The following ENTPD2 variants were observed in gnomAD, a reference collection of about 807,000 sequenced individuals.
ENTPD2 encodes the protein ectonucleoside triphosphate diphosphohydrolase 2.
In ENTPD2, 48 loss-of-function variants were observed where a neutral mutation model predicts 46.8. That is an observed-to-expected ratio of 1.03 (90% CI 0.81 to 1.30). ENTPD2 has a LOEUF of 1.30. Ranked by LOEUF, ENTPD2 falls within the 50% of genes most tolerant of loss-of-function variation. The pLI, the probability that ENTPD2 is intolerant of heterozygous loss-of-function variation, is 0.00. For synonymous variants in ENTPD2, 316 were observed against 286.1 expected (o/e 1.10, Z -1.06); for missense variants, 707 against 651.1 (o/e 1.09, Z -0.93).
At chr9:137,052,418 G>T in intron 1 of ENTPD2, 70 bp from the exon 2 acceptor site, 1 of 1,305,116 alleles carries the variant, frequency 7.7e-7, no homozygotes, top group Non-Finnish European at 1.1e-6. Flanking sequence ...CAAACGTGAA[G>T]TTGGGTTCCT....
rs757407720 is a variant in ENTPD2 at position 137,053,965 on chromosome 9, C to T, written c.33G>A (p.Pro11=). 777 of 1,222,398 alleles carry T rather than the reference C, an allele frequency of 6.4e-4. 1 individual carries two copies. The highest frequency in any genetic ancestry group is 1.0e-3 in the Admixed American group (24 of 23,276). 75.7% of individuals were successfully genotyped at this position (1,222,398 alleles called of 1,614,324 possible). A position where few individuals can be genotyped will look rare whatever the true frequency, so the allele number is the denominator to read the frequency against. The change falls in exon 1 of 9, where the codon CCG becomes CCA. Residue 11 remains proline (P), a synonymous_variant. Transcript: ENST00000355097. MAGKVRSLLP[P]LLLAAAGLAG... The stretch of plus-strand genomic sequence containing the variant: ...CGAGGCCCGCGGCGGCCAGCAGCAG[C>T]GGCGGCAGCAGTGACCGCACCTTCC...
intron 2 of ENTPD2, 116 bp from the exon 3 acceptor site, chr9:137,051,776 C>G (rs77863660): frequency 2.1e-6 from 3 of 1,412,070 alleles, no homozygotes; most frequent in Non-Finnish European, 1.9e-6. Flanking sequence ...GGTGGCACAC[C>G]TTCCCTGCTT....
chr9:137,049,266 T>G (rs1200793514), intron 7 of ENTPD2, 191 bp from the exon 8 acceptor site: 1 of 954,748 alleles, frequency 1.0e-6, no homozygotes, highest in Non-Finnish European at 1.6e-6. Context: ...AGGGCACGCT[T>G]CCATCCCTCC....
At chr9:137,049,843 C>G (rs1015592849) in intron 7 of ENTPD2, 27 bp downstream of exon 7, 1 of 1,601,706 alleles carries the variant, frequency 6.2e-7, no homozygotes, top group Non-Finnish European at 8.5e-7. Flanking sequence ...TTCCGCACAG[C>G]CCTGAAGGAG....
rs548194405 is a variant in ENTPD2, at chr9:137,053,622, C to T, written c.117+259G>A. Among the ~76,000 whole-genome samples, 3 of 152,352 alleles carry T rather than the reference C, an allele frequency of 2.0e-5. No homozygotes were observed. The East Asian group carries it at 5.8e-4, about 29-fold the overall frequency. On this transcript the variant is annotated intron_variant, in intron 1 of 8. Coordinates refer to ENST00000355097, the MANE Select transcript of ENTPD2 (RefSeq NM_203468.3). The stretch of plus-strand genomic sequence containing the variant: ...ACAGCCCCTGGGCTGCGTTGACGGA[C>T]TCGGCGGCGGGCGCGGAACTCCCGG...
At chr9:137,049,784 G>A (rs1267474226) in intron 7 of ENTPD2, 86 bp downstream of exon 7, 3 of 1,455,038 alleles carry the variant, frequency 2.1e-6, no homozygotes, top group Non-Finnish European at 2.8e-6. Flanking sequence ...GCTCCGAGAG[G>A]CCTGTCCATG....
chr9:137,049,026 G>A lies in ENTPD2; in HGVS notation c.1199C>T (p.Ala400Val). The A allele has an allele frequency of 6.5e-7, 1 of 1,536,880 alleles. No individual in the cohort carries two copies. Among genetic ancestry groups the A allele is most frequent in the South Asian group, 1.2e-5 (1 of 84,000 alleles). ...GQRARLADYC[A>V]GAMFVQQLLS... Reference sequence around the variant, plus strand: ...CAGCTGCTGCACGAACATGGCCCCGGCGCAGTAGTCGGCCAGGCGGGCCCG... The same window carrying A: ...CAGCTGCTGCACGAACATGGCCCCGACGCAGTAGTCGGCCAGGCGGGCCCG... The change falls in exon 8 of 9, where the codon GCC (alanine) becomes GTC (valine). Residue 400 changes from alanine to valine, a missense_variant. Coordinates refer to ENST00000355097, the MANE Select transcript of ENTPD2 (RefSeq NM_203468.3).
chr9:137,048,978 T>A lies in ENTPD2; in HGVS notation c.1247A>T (p.Asp416Val). The A allele has an allele frequency of 1.1e-5, 17 of 1,525,538 alleles. No individual in the cohort carries two copies. The highest frequency in any genetic ancestry group is 1.5e-5 in the Non-Finnish European group (17 of 1,139,080). The allele number at this position is 1,525,538 out of a possible 1,614,324, so 94.5% of individuals were successfully genotyped here. Reference protein sequence around the residue: ...QQLLSRGYGFDERAFGGVIFQ... With the variant: ...QQLLSRGYGFVERAFGGVIFQ... ...GATCACGCCGCCGAAGGCGCGCTCGTCGAAGCCGTAGCCGCGACTCAGCAG... is the reference window on the plus strand; with the variant it reads ...GATCACGCCGCCGAAGGCGCGCTCGACGAAGCCGTAGCCGCGACTCAGCAG... Residue 416 changes from aspartate (D) to valine (V), a missense_variant, in exon 8 of 9, where the codon GAC becomes GTC. Coordinates refer to ENST00000355097, the MANE Select transcript of ENTPD2 (RefSeq NM_203468.3).
intron 7 of ENTPD2, 43 bp downstream of exon 7, chr9:137,049,827 G>A: frequency 1.3e-6 from 2 of 1,577,658 alleles, no homozygotes; most frequent in Non-Finnish European, 1.7e-6. Flanking sequence ...GGCGGAGGCT[G>A]AGCCCTTCCG....
At position 137,048,615 on chromosome 9, in the gene ENTPD2, C is replaced by T; in HGVS notation, c.*42G>A. The T allele has an allele frequency of 1.4e-6, 2 of 1,410,620 alleles. No homozygotes were observed. Among genetic ancestry groups the T allele is most frequent in the Non-Finnish European group, 9.2e-7 (1 of 1,085,642 alleles). The allele number at this position is 1,410,620 out of a possible 1,614,324, so 87.4% of individuals were successfully genotyped here. On this transcript the variant is annotated 3_prime_UTR_variant, in exon 9 of 9. Transcript: ENST00000355097. ...GGGGTGGGAGTACGGGGTGGGGATA[C>T]AGGGGTTGGGGGAGGGATGGGGCAG... is the stretch of plus-strand genomic sequence containing the variant.
intron 7 of ENTPD2, 137 bp from the exon 8 acceptor site, chr9:137,049,212 CCCGGACACG>C: frequency 7.1e-7 from 1 of 1,406,776 alleles, no homozygotes; most frequent in Non-Finnish European, 9.7e-7. Flanking sequence ...ACCACACAGG[CCCGGACACG>C]AATGGCAAGA....
intron 2 of ENTPD2, 142 bp from the exon 3 acceptor site, chr9:137,051,802 C>T: frequency 7.6e-7 from 1 of 1,321,654 alleles, no homozygotes; most frequent in Non-Finnish European, 1.0e-6. Flanking sequence ...CCCAGAAACG[C>T]CCAGGTTGGA....
Position 137,051,516 on chromosome 9 carries a change from A to G in ENTPD2, c.380T>C (p.Leu127Pro). The change falls in exon 3 of 9, where the codon CTG (leucine) becomes CCG (proline). Residue 127 changes from leucine to proline, a missense_variant. Physicochemically the swap from Leu to Pro is moderately conservative, Grantham distance 98 (BLOSUM62 -3). Coordinates refer to ENST00000355097, the MANE Select transcript of ENTPD2 (RefSeq NM_203468.3). ...LYLGATAGMR[L>P]LNLTNPEAST... ...AGGGCACAGGCACACTCACTTGAGC[A>G]GGCGCATACCCGCTGTGGCTCCCAG... The G allele has an allele frequency of 5.0e-6, 8 of 1,596,250 alleles. No homozygotes were observed. Among genetic ancestry groups the G allele is most frequent in the Non-Finnish European group, 6.8e-6 (8 of 1,171,088 alleles).
Position 137,050,461 on chromosome 9 carries a change from G to A in ENTPD2, c.852C>T (p.Cys284=), listed in dbSNP as rs757895216. ...AGTTCTGGGGCCGCTGGGCCATGGT[G>A]CATGGTGACTGGTACACATCCCCGA... is the stretch of plus-strand genomic sequence containing the variant. The part of the protein sequence containing the change: ...VLLGDVYQSP[C]TMAQRPQNFN... Residue 284 remains cysteine (C), a synonymous_variant, in exon 6 of 9, where the codon TGC becomes TGT. Transcript: ENST00000355097. 2.7e-5 allele frequency: 43 copies of A among 1,612,934 alleles called. No individual in the cohort carries two copies. The highest frequency in any genetic ancestry group is 3.5e-5 in the Non-Finnish European group (41 of 1,180,016).
intron 1 of ENTPD2, 115 bp from the exon 2 acceptor site, chr9:137,052,463 T>C (rs1393908966): frequency 2.4e-6 from 2 of 816,906 alleles, no homozygotes; most frequent in African/African-American, 1.8e-5. Context: ...CACCCAGTCA[T>C]GTGCCAAGCC....
chr9:137,052,136 C>A, intron 2 of ENTPD2, 95 bp downstream of exon 2: 1 of 1,135,902 alleles, frequency 8.8e-7, no homozygotes, highest in African/African-American at 1.5e-5. Flanking sequence ...CCCCACCCAA[C>A]ACTAAGCAGA....
intron 1 of ENTPD2, 148 bp from the exon 2 acceptor site, chr9:137,052,496 CCAGGG>C: frequency 1.6e-6 from 1 of 615,898 alleles, no homozygotes. Context: ...TCAGAGGAGG[CCAGGG>C]CCTCCTCTGA....
At chr9:137,051,699 C>T (rs1832301983) in intron 2 of ENTPD2, 39 bp from the exon 3 acceptor site, 2 of 1,572,216 alleles carry the variant, frequency 1.3e-6, no homozygotes, top group Non-Finnish European at 1.7e-6. Context: ...GCCTCACGGG[C>T]AGCCCCTAGG....
Position 137,051,551 on chromosome 9 carries a change from TGTGCCCGC to T in ENTPD2, c.337_344del (p.Ala113ThrfsTer38). ...CCGCTGTGGCTCCCAGGTAGAGGGGTGTGCCCGCGTGTCTCTCTTTGGGCACATCCTGA... is the reference window on the plus strand; with the variant it reads ...CCGCTGTGGCTCCCAGGTAGAGGGGTGTGTCTCTCTTTGGGCACATCCTGA... On this transcript the variant is annotated frameshift_variant, in exon 3 of 9. Coordinates refer to ENST00000355097, the MANE Select transcript of ENTPD2 (RefSeq NM_203468.3). LOFTEE classifies it high-confidence loss of function. The T allele has an allele frequency of 6.2e-7, 1 of 1,611,454 alleles. No homozygotes were observed. Among genetic ancestry groups the T allele is most frequent in the South Asian group, 1.1e-5 (1 of 90,876 alleles).
Sources: allele counts gnomAD v4.1 joint callset (sites outside exome capture counted in the v4.1 genomes callset), GRCh38; gene constraint gnomAD v4.1.1; transcripts MANE v1.5; gene names NCBI Gene and HGNC (gene_info 2026-07-23, HGNC 2026-07-21).